FREM2: variants seen among roughly 807,000 people sequenced by gnomAD.
The protein encoded by FREM2 is FRAS1-related extracellular matrix protein 2.
A neutral mutation model predicts 219.9 loss-of-function variants in FREM2; 119 were observed. That is an observed-to-expected ratio of 0.54 (90% CI 0.47 to 0.63). The LOEUF (loss-of-function observed/expected upper bound fraction) is 0.63. Among genes scored for constraint, FREM2 ranks in the 30% least tolerant of loss-of-function variants. FREM2 has a pLI of 0.00. For missense variants in FREM2, 4,030 were observed against 3,993.6 expected (o/e 1.01, Z -0.25); for synonymous variants, 1,562 against 1,522.8 (o/e 1.03, Z -0.60).
Position 38,880,888 on chromosome 13 carries a change from G to A in FREM2, c.*101G>A. 2 of 1,314,704 alleles carry A rather than the reference G, an allele frequency of 1.5e-6. No individual in the cohort carries two copies. The highest frequency in any genetic ancestry group is 2.2e-6 in the Non-Finnish European group (2 of 924,024). 81.4% of individuals were successfully genotyped at this position (1,314,704 alleles called of 1,614,324 possible). The stretch of plus-strand genomic sequence containing the variant: ...AAACCATAGAGAATGGAGGATGGCT[G>A]TGATGAAGCTGCTTAGAGAATATGA... On this transcript the variant is annotated 3_prime_UTR_variant, in exon 24 of 24. Transcript: ENST00000280481.
intron 2 of FREM2, among the ~76,000 whole-genome samples, chr13:38,752,583 G>T (rs956340566): frequency 5.3e-5 from 8 of 151,882 alleles, no homozygotes; most frequent in Non-Finnish European, 1.0e-4. Context: ...TTTAAGTTTT[G>T]GTAATAATGG....
At chr13:38,829,614 G>A (rs1328453340) in intron 6 of FREM2, among the ~76,000 whole-genome samples, 1 of 150,402 alleles carries the variant, frequency 6.6e-6, no homozygotes. Flanking sequence ...GTATGGAAAT[G>A]GAGACCTCAG....
chr13:38,850,891 T>C, intron 9 of FREM2, 53 bp from the exon 10 acceptor site: 1 of 1,593,670 alleles, frequency 6.3e-7, no homozygotes, highest in Non-Finnish European at 8.5e-7. Context: ...CACATTCTAG[T>C]TGTAGATATA....
At chr13:38,779,355 T>TA (rs1268901111) in intron 4 of FREM2, 1 of 151,812 alleles carries the variant, frequency 6.6e-6, no homozygotes, top group Admixed American at 6.6e-5. Context: ...GTAACAAACC[T>TA]ACACGTTCTG....
At chr13:38,873,637 T>C (rs1380505920) in intron 17 of FREM2, among the ~76,000 whole-genome samples, 1 of 152,216 alleles carries the variant, frequency 6.6e-6, no homozygotes, top group Non-Finnish European at 1.5e-5. Flanking sequence ...AATCCATTAG[T>C]AGGACGAGTG....
Position 38,851,086 on chromosome 13 carries a change from A to T in FREM2, c.6720A>T (p.Ile2240=). ...AAVGEQNETL[I]RIRDDADKTV... ...TTGGTGAACAAAATGAAACTCTCAT[A>T]AGGATCCGAGATGATGCTGATAGTA... The change falls in exon 10 of 24, where the codon ATA becomes ATT. Residue 2240 remains isoleucine, a synonymous_variant. Coordinates refer to ENST00000280481, the MANE Select transcript of FREM2 (RefSeq NM_207361.6). The T allele has an allele frequency of 6.2e-7, 1 of 1,613,900 alleles. No individual in the cohort carries two copies. Among genetic ancestry groups the T allele is most frequent in the Non-Finnish European group, 8.5e-7 (1 of 1,179,958 alleles).
intron 1 of FREM2, among the ~76,000 whole-genome samples, chr13:38,693,494 G>A (rs1869983924): frequency 6.6e-6 from 1 of 152,194 alleles, no homozygotes; most frequent in African/African-American, 2.4e-5. Flanking sequence ...AGTGAGGGAA[G>A]GGAGAAGCCC....
At chr13:38,855,249 T>C (rs1424577176) in intron 11 of FREM2, among the ~76,000 whole-genome samples, 3 of 152,164 alleles carry the variant, frequency 2.0e-5, no homozygotes, top group Non-Finnish European at 4.4e-5. Context: ...CTAAAATAAC[T>C]TGTCTAAGTT....
At chr13:38,804,109 G>A (rs1318287431) in intron 6 of FREM2, among the ~76,000 whole-genome samples, 1 of 151,866 alleles carries the variant, frequency 6.6e-6, no homozygotes, top group East Asian at 1.9e-4. Context: ...TCTGTATTTG[G>A]TATACTTGAG....
chr13:38,709,173 C>T (rs577236113), intron 2 of FREM2, among the ~76,000 whole-genome samples: 2 of 152,372 alleles, frequency 1.3e-5, no homozygotes, highest in East Asian at 3.9e-4. Flanking sequence ...TGCCATGCTA[C>T]TTCATGCACA....
intron 4 of FREM2, among the ~76,000 whole-genome samples, chr13:38,770,248 C>T (rs1005412215): frequency 1.3e-5 from 2 of 149,926 alleles, no homozygotes; most frequent in African/African-American, 2.4e-5. Context: ...TGTAAAGACA[C>T]GGTCTTGCTA....
chr13:38,822,051 G>A (rs1566154848), intron 6 of FREM2: 1 of 152,044 alleles, frequency 6.6e-6, no homozygotes, highest in Non-Finnish European at 1.5e-5. Flanking sequence ...GCACTATTTG[G>A]GATGAGCCAA....
chr13:38,720,683 G>A (rs1453249122), intron 2 of FREM2, among the ~76,000 whole-genome samples: 1 of 123,006 alleles, frequency 8.1e-6, no homozygotes, highest in African/African-American at 2.5e-5. Context: ...GTGGTCAATT[G>A]AAGATGCTGA....
chr13:38,874,662 G>C (rs112530311), intron 18 of FREM2, 76 bp downstream of exon 18: 4 of 1,141,456 alleles, frequency 3.5e-6, no homozygotes, highest in East Asian at 2.3e-5. Flanking sequence ...ACATTTCAGC[G>C]TGCTTCTCTG....
chr13:38,739,034 A>C (rs1872122302), intron 2 of FREM2, among the ~76,000 whole-genome samples: 1 of 152,146 alleles, frequency 6.6e-6, no homozygotes, highest in African/African-American at 2.4e-5. Context: ...CAGAATATTC[A>C]TGTGGGGAGT....
rs781485282 is a variant in FREM2, at chr13:38,690,100, G to C, written c.2756G>C (p.Ser919Thr). The C allele has an allele frequency of 6.5e-5, 105 of 1,613,992 alleles. No homozygotes were observed. The highest frequency in any genetic ancestry group is 6.1e-5 in the Non-Finnish European group (72 of 1,180,040). Residue 919 changes from serine (S) to threonine (T), a missense_variant, in exon 1 of 24, where the codon AGT (serine) becomes ACT (threonine). By Grantham distance (58) the Ser-to-Thr change is moderately conservative. Coordinates refer to ENST00000280481, the MANE Select transcript of FREM2 (RefSeq NM_207361.6). ...ACTGATAGCTGCTCCTTGGAAGTCA[G>C]TGACAGACATCATGTGGTGCCCATC... ...SLTDSCSLEVSDRHHVVPITL... is the reference protein window; with the variant it reads ...SLTDSCSLEVTDRHHVVPITL...
At chr13:38,749,794 A>C (rs992911040) in intron 2 of FREM2, among the ~76,000 whole-genome samples, 24 of 152,194 alleles carry the variant, frequency 1.6e-4, no homozygotes, top group African/African-American at 5.5e-4. Flanking sequence ...AGACCTTATT[A>C]TTAATTGTAA....
chr13:38,848,523 C>T lies in FREM2; in HGVS notation c.6232C>T (p.Pro2078Ser), dbSNP rs1877247626. 4 of 1,614,002 alleles carry T rather than the reference C, an allele frequency of 2.5e-6. No individual in the cohort carries two copies. The highest frequency in any genetic ancestry group is 3.4e-6 in the Non-Finnish European group (4 of 1,179,940). The change falls in exon 8 of 24, where the codon CCT (proline) becomes TCT (serine). Residue 2078 changes from proline to serine, a missense_variant. Pro to Ser is a moderately conservative substitution (Grantham distance 74). Coordinates refer to ENST00000280481, the MANE Select transcript of FREM2 (RefSeq NM_207361.6). ...LDFAPGVNMQ[P>S]VRVVILDDLG... ...TTTTGCACCTGGAGTCAACATGCAG[C>T]CTGTTCGTGTTGTCATTCTGGATGA...
intron 6 of FREM2, among the ~76,000 whole-genome samples, chr13:38,844,306 G>A (rs557018794): frequency 3.3e-5 from 5 of 151,996 alleles, no homozygotes; most frequent in African/African-American, 4.8e-5. Flanking sequence ...TCTTGCTTAC[G>A]TACACACTTG....
Sources: gnomAD v4.1 joint callset for allele counts (sites outside exome capture counted in the v4.1 genomes callset) on GRCh38, gnomAD v4.1.1 for gene constraint, MANE v1.5 for transcripts, NCBI Gene and HGNC (gene_info 2026-07-23, HGNC 2026-07-21) for gene names.